Variants in CCDC171 observed in about 807,000 individuals in gnomAD.
CCDC171 encodes the protein coiled-coil domain-containing protein 171.
Under a neutral mutation model 168.2 loss-of-function variants are expected in CCDC171, and 177 were observed. That is an observed-to-expected ratio of 1.05 (90% CI 0.93 to 1.19). The LOEUF is 1.19. CCDC171 is among the 50% of genes most tolerant of loss of function. The pLI is 0.00. For synonymous variants in CCDC171, 687 were observed against 540.8 expected, an observed-to-expected ratio of 1.27 and a Z score of -3.75; for missense variants, 1,991 against 1,539.0, an observed-to-expected ratio of 1.29 and a Z score of -4.91.
At chr9:16,039,661 A>G (rs1032984437), upstream of CCDC171, among the ~76,000 whole-genome samples, 1 of 152,104 alleles carries the variant, frequency 6.6e-6, no homozygotes, top group African/African-American at 2.4e-5. Context: ...TCATTCTTAC[A>G]TCTGCGTCCC....
At chr9:15,612,480 G>T (rs1200135012) in intron 6 of CCDC171, among the ~76,000 whole-genome samples, 1 of 152,028 alleles carries the variant, frequency 6.6e-6, no homozygotes, top group East Asian at 1.9e-4. Context: ...CTGTTTAGTG[G>T]TCCCCTCTTG....
intron 8 of CCDC171, among the ~76,000 whole-genome samples, chr9:15,662,451 C>G (rs373815183): frequency 7.3e-4 from 111 of 152,202 alleles, no homozygotes; most frequent in African/African-American, 2.5e-3. Context: ...TTGTGTGTTG[C>G]CATTCCTGTG....
intron 21 of CCDC171, among the ~76,000 whole-genome samples, chr9:15,799,965 T>G (rs967107028): frequency 6.6e-6 from 1 of 152,156 alleles, no homozygotes; most frequent in East Asian, 1.9e-4. Context: ...CATTCTCTCT[T>G]ATGGCTGCGT....
At chr9:16,052,118 C>G (rs1392057805) in intron 1 of CCDC171, among the ~76,000 whole-genome samples, 2 of 152,212 alleles carry the variant, frequency 1.3e-5, no homozygotes, top group Non-Finnish European at 2.9e-5. Flanking sequence ...GGTGGGGACA[C>G]AGCCAAACCA....
Position 15,666,308 on chromosome 9 carries a change from T to A in CCDC171, c.1061T>A (p.Phe354Tyr). ...EREKHNAQESFAKLNLLEKEY... is the reference protein window; with the variant it reads ...EREKHNAQESYAKLNLLEKEY... ...GAAAAGCATAATGCACAAGAGAGCT[T>A]TGCAAAACTAAATTTGTAAGTATTC... The change falls in exon 9 of 26, where the codon TTT becomes TAT. Residue 354 changes from phenylalanine to tyrosine, a missense_variant. Physicochemically the swap from Phe to Tyr is conservative, Grantham distance 22 (BLOSUM62 3). Coordinates refer to ENST00000380701, the MANE Select transcript of CCDC171 (RefSeq NM_173550.4). 6.2e-7 allele frequency: 1 copy of A among 1,606,446 alleles called. No individual in the cohort carries two copies. Among genetic ancestry groups the A allele is most frequent in the Non-Finnish European group, 8.5e-7 (1 of 1,176,646 alleles).
At chr9:15,567,231 A>G (rs2039819228) in intron 2 of CCDC171, among the ~76,000 whole-genome samples, 1 of 152,130 alleles carries the variant, frequency 6.6e-6, no homozygotes, top group Non-Finnish European at 1.5e-5. Context: ...AATCTTGGGC[A>G]GGCTGGTCTT....
At chr9:15,568,297 G>A (rs1489393497) in intron 2 of CCDC171, among the ~76,000 whole-genome samples, 1 of 140,712 alleles carries the variant, frequency 7.1e-6, no homozygotes, top group Admixed American at 7.2e-5. Flanking sequence ...TTGAGGCGGA[G>A]TCTTGCTCTG....
chr9:16,077,325 C>G, the CCDC171 span, among the ~76,000 whole-genome samples: 2 of 152,136 alleles, frequency 1.3e-5, no homozygotes, highest in Non-Finnish European at 2.9e-5. Flanking sequence ...CCTCGCCTTA[C>G]CGGGGTATCA....
intron 11 of CCDC171, among the ~76,000 whole-genome samples, chr9:15,700,617 T>C (rs1387136645): frequency 6.6e-6 from 1 of 152,184 alleles, no homozygotes; most frequent in Admixed American, 6.5e-5. Context: ...TATGGTAGCT[T>C]TATTTTTAGT....
At chr9:15,950,362 G>T (rs1828988842) in intron 25 of CCDC171, among the ~76,000 whole-genome samples, 1 of 151,966 alleles carries the variant, frequency 6.6e-6, no homozygotes. Flanking sequence ...AAATGTTAAG[G>T]GCAGCCAGAG....
chr9:16,019,430 C>T (rs1387746108), intron 3 of CCDC171, among the ~76,000 whole-genome samples: 1 of 152,104 alleles, frequency 6.6e-6, no homozygotes, highest in Non-Finnish European at 1.5e-5. Flanking sequence ...ATTTTAAATT[C>T]TGTTGTTAGG....
At chr9:15,886,110 T>C (rs1029778253) in intron 24 of CCDC171, 42 of 152,180 alleles carry the variant, frequency 2.8e-4, no homozygotes, top group African/African-American at 9.9e-4. Context: ...TCTTACAACA[T>C]GCACAATAAT....
the CCDC171 span, among the ~76,000 whole-genome samples, chr9:16,079,091 T>G: frequency 6.6e-6 from 1 of 152,230 alleles, no homozygotes; most frequent in African/African-American, 2.4e-5. Context: ...GAAATCAAGC[T>G]TTTTATTGCA....
the CCDC171 span, among the ~76,000 whole-genome samples, chr9:16,075,410 C>G: frequency 6.6e-6 from 1 of 152,112 alleles, no homozygotes; most frequent in African/African-American, 2.4e-5. Flanking sequence ...ATATATTATG[C>G]TTATTTTAAA....
At chr9:15,975,185 C>G (rs1313044473), downstream of CCDC171, among the ~76,000 whole-genome samples, 1 of 152,152 alleles carries the variant, frequency 6.6e-6, no homozygotes, top group Non-Finnish European at 1.5e-5. Flanking sequence ...CAACAAACCT[C>G]TAGCATAGGA....
At chr9:15,931,853 T>C (rs1564019599) in intron 25 of CCDC171, among the ~76,000 whole-genome samples, 1 of 151,822 alleles carries the variant, frequency 6.6e-6, no homozygotes, top group Non-Finnish European at 1.5e-5. Flanking sequence ...TATTTAGTTT[T>C]CCCAATACTA....
chr9:15,745,776 A>G (rs1457361004), intron 18 of CCDC171, 145 bp downstream of exon 18: 3 of 451,412 alleles, frequency 6.6e-6, no homozygotes, highest in Non-Finnish European at 1.2e-5. Flanking sequence ...AGAGATTGTT[A>G]ACTCTGTACT....
At position 15,777,559 on chromosome 9, in the gene CCDC171, A is replaced by C. The variant is rs2057394184; in HGVS notation, c.2672-41A>C. ...AGCAGTGTTGTGAAATGCACAAGAGACAATTCACATTTTTGTGCCTTTTTT... is the reference window on the plus strand; with the variant it reads ...AGCAGTGTTGTGAAATGCACAAGAGCCAATTCACATTTTTGTGCCTTTTTT... On this transcript the variant is annotated intron_variant, in intron 18 of 25. Coordinates refer to ENST00000380701, the MANE Select transcript of CCDC171 (RefSeq NM_173550.4). The C allele has an allele frequency of 3.3e-6, 4 of 1,205,458 alleles. No individual in the cohort carries two copies. In the Admixed American group the frequency reaches 5.6e-5, roughly 17 times the overall value. 74.7% of individuals were successfully genotyped at this position (1,205,458 alleles called of 1,614,324 possible).
intron 24 of CCDC171, among the ~76,000 whole-genome samples, chr9:15,894,288 G>A (rs139505632): frequency 1.3e-5 from 2 of 152,138 alleles, no homozygotes; most frequent in East Asian, 1.9e-4. Flanking sequence ...GGCGAGTTGT[G>A]GGGGAAGAGC....
Sources: allele counts gnomAD v4.1 joint callset (sites outside exome capture counted in the v4.1 genomes callset), GRCh38; gene constraint gnomAD v4.1.1; transcripts MANE v1.5; gene names NCBI Gene and HGNC (gene_info 2026-07-23, HGNC 2026-07-21).